The following GDA variants were observed in gnomAD, a reference collection of about 807,000 sequenced individuals.
The protein encoded by GDA is cytoplasmic PSD-95 interactor.
In GDA, 18 loss-of-function variants were observed where a neutral mutation model predicts 59.6. That is an observed-to-expected ratio of 0.30 (90% CI 0.21 to 0.45). The LOEUF (loss-of-function observed/expected upper bound fraction) is 0.45. Ranked by LOEUF, GDA falls within the 20% of genes least tolerant of loss-of-function variation. GDA has a pLI of 1.00. For missense variants in GDA, 427 were observed against 552.3 expected (o/e 0.77, Z 2.27); for synonymous variants, 201 against 201.1 (o/e 1.00, Z 0.00).
intron 1 of GDA, among the ~76,000 whole-genome samples, chr9:72,135,675 A>G (rs1826196423): frequency 6.6e-6 from 1 of 152,108 alleles, no homozygotes; most frequent in African/African-American, 2.4e-5. Flanking sequence ...CACGCCTGTA[A>G]TCCAGCACTT....
chr9:72,156,834 G>T (rs1827947708), intron 1 of GDA, among the ~76,000 whole-genome samples: 1 of 152,088 alleles, frequency 6.6e-6, no homozygotes, highest in Non-Finnish European at 1.5e-5. Context: ...GAAGCTTCTA[G>T]GATGTGGGAA....
At chr9:72,189,639 G>A (rs1470995468) in intron 1 of GDA, among the ~76,000 whole-genome samples, 4 of 152,060 alleles carry the variant, frequency 2.6e-5, no homozygotes, top group Admixed American at 6.6e-5. Context: ...TCAGGAGTTC[G>A]ATACCAGCCT....
Position 72,201,398 on chromosome 9 carries a change from T to C in GDA, c.213-1173T>C, listed in dbSNP as rs573011585. On this transcript the variant is annotated intron_variant, in intron 2 of 13. Transcript: ENST00000358399. ...TTAGCTGCTGTCACCATCATTATTA[T>C]AATAACTGACTACAAAAAAGCTAGT... is the stretch of plus-strand genomic sequence containing the variant. Among the ~76,000 whole-genome samples the C allele has an allele frequency of 7.2e-5, 11 of 152,288 alleles. No homozygotes were observed. The South Asian group carries it at 1.9e-3, about 26-fold the overall frequency.
rs1840400833 is a variant in GDA at position 72,248,665 on chromosome 9, A to G, written c.*323A>G. On this transcript the variant is annotated 3_prime_UTR_variant, in exon 14 of 14. Transcript: ENST00000358399. ...TAAGCAAAGCCTTTTTCATATTTGAAAATGTGGAAAGAAAAGATGTTCCTA... is the reference window on the plus strand; with the variant it reads ...TAAGCAAAGCCTTTTTCATATTTGAGAATGTGGAAAGAAAAGATGTTCCTA... 9.6e-7 allele frequency: 1 copy of G among 1,046,218 alleles called. No individual in the cohort carries two copies. The highest frequency in any genetic ancestry group is 7.5e-5 in the East Asian group (1 of 13,372). The allele number at this position is 1,046,218 out of a possible 1,614,324, so 64.8% of individuals were successfully genotyped here. A position where few individuals can be genotyped will look rare whatever the true frequency, so the allele number is the denominator to read the frequency against.
rs770292555 is a variant in GDA, at chr9:72,195,583, C to T, written c.207C>T (p.Ser69=). ...CFKPCEIREL[S]HHEFFMPGLV... is the part of the protein sequence containing the mutation. Reference sequence around the variant, plus strand: ...AGCCGTGTGAAATAAGAGAACTGAGCCACCAGTAAGTTGTTACTTCTTCCC... The same window carrying T: ...AGCCGTGTGAAATAAGAGAACTGAGTCACCAGTAAGTTGTTACTTCTTCCC... The change falls in exon 2 of 14, where the codon AGC becomes AGT. Residue 69 remains serine, a synonymous_variant. Transcript: ENST00000358399. The T allele has an allele frequency of 3.0e-5, 45 of 1,525,190 alleles. 1 individual carries two copies. In the South Asian group the frequency reaches 5.3e-4, roughly 18 times the overall value. The allele number at this position is 1,525,190 out of a possible 1,614,324, so 94.5% of individuals were successfully genotyped here. A position where few individuals can be genotyped will look rare whatever the true frequency, so the allele number is the denominator to read the frequency against.
At chr9:72,171,726 C>A (rs1420584735) in intron 1 of GDA, among the ~76,000 whole-genome samples, 1 of 151,976 alleles carries the variant, frequency 6.6e-6, no homozygotes, top group African/African-American at 2.4e-5. Context: ...AAAGTGCTAC[C>A]TAAAAGGTCT....
chr9:72,145,669 A>G (rs1219915694), upstream of GDA, among the ~76,000 whole-genome samples: 1 of 152,204 alleles, frequency 6.6e-6, no homozygotes, highest in Non-Finnish European at 1.5e-5. Context: ...ATCCCACCCC[A>G]GTAGTTGGGG....
At chr9:72,227,195 G>A (rs997095085) in intron 8 of GDA, among the ~76,000 whole-genome samples, 5 of 152,126 alleles carry the variant, frequency 3.3e-5, no homozygotes, top group African/African-American at 1.2e-4. Flanking sequence ...TTTGTACTGA[G>A]AGAAAAATAA....
chr9:72,216,679 AT>A (rs201725609), intron 5 of GDA, among the ~76,000 whole-genome samples: 33,156 of 145,648 alleles, frequency 0.23, 4,174 homozygotes, highest in East Asian at 0.51. Context: ...AGGAAAAACT[AT>A]TTTTTTTTTT....
chr9:72,132,087 GC>G (rs1826044563), intron 1 of GDA, among the ~76,000 whole-genome samples: 1 of 152,112 alleles, frequency 6.6e-6, no homozygotes, highest in African/African-American at 2.4e-5. Flanking sequence ...GGAAATACCT[GC>G]CCCTATAATT....
intron 7 of GDA, among the ~76,000 whole-genome samples, 159 bp downstream of exon 7, chr9:72,223,386 C>G (rs1319482407): frequency 2.0e-5 from 3 of 152,134 alleles, no homozygotes; most frequent in Admixed American, 2.0e-4. Context: ...AGAAAGGACC[C>G]CTGTAGATAT....
At chr9:72,115,254 G>C (rs908017888) in intron 1 of GDA, among the ~76,000 whole-genome samples, 1 of 152,198 alleles carries the variant, frequency 6.6e-6, no homozygotes, top group East Asian at 1.9e-4. Flanking sequence ...AGTGTTGCTT[G>C]ACCCAGTTAA....
chr9:72,240,568 T>C (rs1839499514), intron 10 of GDA, among the ~76,000 whole-genome samples: 1 of 152,156 alleles, frequency 6.6e-6, no homozygotes, highest in African/African-American at 2.4e-5. Context: ...ATAAAGGTCT[T>C]TGTAGATATA....
chr9:72,146,936 C>A (rs1826662453), upstream of GDA, among the ~76,000 whole-genome samples: 1 of 152,126 alleles, frequency 6.6e-6, no homozygotes, highest in African/African-American at 2.4e-5. Flanking sequence ...CTAAAATTTA[C>A]CTGAGGAGCA....
rs759640008 is a variant in GDA at position 72,247,446 on chromosome 9, A to G, written c.1294+13A>G. On this transcript the variant is annotated intron_variant, in intron 13 of 13. Transcript: ENST00000358399. Reference sequence around the variant, plus strand: ...TTCCTCTATCTAGGTAGGTAGATGCATGTCTCTATGCTAAATATTAAATAG... The same window carrying G: ...TTCCTCTATCTAGGTAGGTAGATGCGTGTCTCTATGCTAAATATTAAATAG... The G allele has an allele frequency of 7.4e-7, 1 of 1,353,590 alleles. No individual in the cohort carries two copies. Among genetic ancestry groups the G allele is most frequent in the African/African-American group, 1.4e-5 (1 of 69,342 alleles). The allele number at this position is 1,353,590 out of a possible 1,614,324, so 83.8% of individuals were successfully genotyped here.
rs974669911 is a variant in GDA at position 72,251,984 on chromosome 9, C to G, written c.*3642C>G. On this transcript the variant is annotated 3_prime_UTR_variant, in exon 14 of 14. Coordinates refer to ENST00000358399, the MANE Select transcript of GDA (RefSeq NM_004293.5). ...GTAACAGAAGTTATTCTTAGCTTAC[C>G]TGTTATGTGACAGTGATTTACCTGT... is the stretch of plus-strand genomic sequence containing the variant. 1 of 152,370 alleles carries G rather than the reference C, an allele frequency of 6.6e-6. No homozygotes were observed. The highest frequency in any genetic ancestry group is 2.4e-5 in the African/African-American group (1 of 41,418). The allele number at this position is 152,370 out of a possible 1,614,324, so 9.4% of individuals were successfully genotyped here.
At chr9:72,163,021 CA>C (rs1828846032) in intron 1 of GDA, among the ~76,000 whole-genome samples, 1 of 152,106 alleles carries the variant, frequency 6.6e-6, no homozygotes, top group African/African-American at 2.4e-5. Context: ...CAGAATGGAG[CA>C]GAGCAAGACT....
In GDA at chr9:72,133,305, A is replaced by ATAATAAT. The variant is rs1293322271; in HGVS notation, c.-100+18472_-100+18473insTAATAAT. Among the ~76,000 whole-genome samples the ATAATAAT allele has an allele frequency of 1.6e-3, 212 of 131,518 alleles. 2 individuals carry two copies. Among genetic ancestry groups the ATAATAAT allele is most frequent in the East Asian group, 6.3e-3 (29 of 4,570 alleles). 86.3% of individuals were successfully genotyped at this position (131,518 alleles called of 152,430 possible). A position where few individuals can be genotyped will look rare whatever the true frequency, so the allele number is the denominator to read the frequency against. On this transcript the variant is annotated intron_variant, in intron 1 of 13. Coordinates refer to the GDA transcript ENST00000545168. Reference sequence around the variant, plus strand: ...CTCTGTCTAAAAAAAAAAAAAAAAAAAAAAATAATAATAATAATAATAATA... The same window carrying ATAATAAT: ...CTCTGTCTAAAAAAAAAAAAAAAAAATAATAATAAAAATAATAATAATAATAATAATA...
At chr9:72,119,787 T>TA (rs1825597815) in intron 1 of GDA, among the ~76,000 whole-genome samples, 1 of 152,212 alleles carries the variant, frequency 6.6e-6, no homozygotes, top group Non-Finnish European at 1.5e-5. Flanking sequence ...TTGAGCAAGA[T>TA]ATACACTTTA....
Sources: gnomAD v4.1 joint callset for allele counts (sites outside exome capture counted in the v4.1 genomes callset) on GRCh38, gnomAD v4.1.1 for gene constraint, MANE v1.5 for transcripts, NCBI Gene and HGNC (gene_info 2026-07-23, HGNC 2026-07-21) for gene names.